Variants in EOGT observed in about 807,000 individuals in gnomAD.
EOGT encodes the protein EGF domain-specific O-linked N-acetylglucosamine transferase.
In EOGT, 55 loss-of-function variants were observed where a neutral mutation model predicts 70.5. The observed-to-expected ratio is 0.78, with a 90% CI of 0.63 to 0.98. The LOEUF is 0.98. Among genes scored for constraint, EOGT ranks in the 50% least tolerant of loss-of-function variants. EOGT has a pLI of 0.00. For missense variants in EOGT, 703 were observed against 641.9 expected (o/e 1.10, Z -1.03); for synonymous variants, 246 against 217.1 (o/e 1.13, Z -1.17).
chr3:68,987,502 A>G lies in EOGT; in HGVS notation c.1095T>C (p.Ile365=). 6.2e-7 allele frequency: 1 copy of G among 1,613,566 alleles called. No individual in the cohort carries two copies. The highest frequency in any genetic ancestry group is 1.1e-5 in the South Asian group (1 of 91,046). Residue 365 remains isoleucine (I), a synonymous_variant, in exon 14 of 18, where the codon ATT becomes ATC. Coordinates refer to ENST00000383701, the MANE Select transcript of EOGT (RefSeq NM_001278689.2). The part of the protein sequence containing the change: ...ITQEGPKDGK[I]RVTILARSTE... ...TGCTCCGTGCAAGAATGGTGACTCGAATTTTTCCATCCTGTAATCAAAATG... is the reference window on the plus strand; with the variant it reads ...TGCTCCGTGCAAGAATGGTGACTCGGATTTTTCCATCCTGTAATCAAAATG...
At chr3:68,979,819 G>T in intron 15 of EOGT, 32 bp from the exon 16 acceptor site, 1 of 1,606,580 alleles carries the variant, frequency 6.2e-7, no homozygotes, top group Admixed American at 1.7e-5. Context: ...TGAGAGAGAT[G>T]GGGAGAAGAG....
rs777182719 is a variant in EOGT, at chr3:68,982,765, T to A, written c.1214+46A>T. ...ATGCTTTCTAGCCCCCTTGACCTCA[T>A]CCAAGCAAAAGTTGACAGTGTCTGC... On this transcript the variant is annotated intron_variant, in intron 15 of 17. Coordinates refer to ENST00000383701, the MANE Select transcript of EOGT (RefSeq NM_001278689.2). 42 of 1,492,430 alleles carry A rather than the reference T, an allele frequency of 2.8e-5. 1 individual carries two copies. In the South Asian group the frequency reaches 4.6e-4, roughly 16 times the overall value. 92.4% of individuals were successfully genotyped at this position (1,492,430 alleles called of 1,614,324 possible).
At chr3:68,984,706 T>C (rs1425954754) in intron 14 of EOGT, among the ~76,000 whole-genome samples, 2 of 152,118 alleles carry the variant, frequency 1.3e-5, no homozygotes, top group Admixed American at 6.5e-5. Context: ...AATTTCGCCT[T>C]TGGGTGCCAT....
intron 14 of EOGT, among the ~76,000 whole-genome samples, chr3:68,983,338 T>C (rs541412742): frequency 6.6e-6 from 1 of 152,376 alleles, no homozygotes; most frequent in Non-Finnish European, 1.5e-5. Context: ...ACTAGCGCTT[T>C]GAACCTCATC....
chr3:69,009,304 GTT>G (rs1559617051), intron 4 of EOGT, among the ~76,000 whole-genome samples: 1 of 152,214 alleles, frequency 6.6e-6, no homozygotes, highest in Non-Finnish European at 1.5e-5. Flanking sequence ...CTCATGTGCC[GTT>G]TAAGAAAGAA....
At chr3:68,983,992 T>C (rs533020005) in intron 14 of EOGT, among the ~76,000 whole-genome samples, 18 of 152,178 alleles carry the variant, frequency 1.2e-4, no homozygotes, top group African/African-American at 4.3e-4. Context: ...CCAAATATCA[T>C]ACCAAGTAAG....
rs1298286230 is a variant in EOGT, at chr3:68,976,166, C to T, written c.*1452G>A. 6.6e-6 allele frequency: 1 copy of T among 152,176 alleles called. No individual in the cohort carries two copies. The highest frequency in any genetic ancestry group is 2.4e-5 in the African/African-American group (1 of 41,462). 9.4% of individuals were successfully genotyped at this position (152,176 alleles called of 1,614,324 possible). On this transcript the variant is annotated 3_prime_UTR_variant, in exon 18 of 18. Transcript: ENST00000383701. ...ACACTGTTTTAGAGCTTCTTTTTCACTTTCATTGAATAAGTCACATGTCTT... is the reference window on the plus strand; with the variant it reads ...ACACTGTTTTAGAGCTTCTTTTTCATTTTCATTGAATAAGTCACATGTCTT...
intron 4 of EOGT, among the ~76,000 whole-genome samples, chr3:69,008,793 G>C (rs2091499806): frequency 6.6e-6 from 1 of 152,178 alleles, no homozygotes; most frequent in South Asian, 2.1e-4. Flanking sequence ...AAGACCACTT[G>C]AATTTGAATT....
chr3:68,997,051 G>A (rs996589161), intron 10 of EOGT, among the ~76,000 whole-genome samples: 5 of 152,102 alleles, frequency 3.3e-5, no homozygotes, highest in African/African-American at 1.2e-4. Context: ...AAGATTCTGG[G>A]GCACATCTTG....
At chr3:68,997,876 C>T (rs532033872) in intron 10 of EOGT, 135 bp downstream of exon 10, 19 of 596,058 alleles carry the variant, frequency 3.2e-5, no homozygotes, top group South Asian at 1.6e-4. Flanking sequence ...CAGATACATT[C>T]GCACCCATCC....
chr3:68,995,755 A>T (rs1559601963), intron 10 of EOGT, among the ~76,000 whole-genome samples: 1 of 152,216 alleles, frequency 6.6e-6, no homozygotes. Context: ...AGTCCTCTTC[A>T]GAGGACTTTA....
intron 11 of EOGT, 61 bp downstream of exon 11, chr3:68,988,864 T>G (rs193239443): frequency 9.6e-5 from 84 of 872,056 alleles, no homozygotes; most frequent in African/African-American, 5.1e-4. Context: ...ATGTTTATTT[T>G]ATGAGTGAGT....
intron 6 of EOGT, 105 bp downstream of exon 6, chr3:69,007,608 C>T (rs1200769636): frequency 1.6e-5 from 9 of 559,804 alleles, no homozygotes; most frequent in East Asian, 8.2e-5. Context: ...GCTGGGATCG[C>T]GCCACTGCAC....
chr3:68,982,745 T>C, intron 15 of EOGT, 66 bp downstream of exon 15: 1 of 1,225,466 alleles, frequency 8.2e-7, no homozygotes, highest in Non-Finnish European at 1.1e-6. Context: ...GAAAAATGCT[T>C]TCTAGCCCCC....
intron 10 of EOGT, 52 bp downstream of exon 10, chr3:68,997,959 C>A: frequency 9.4e-7 from 1 of 1,063,522 alleles, no homozygotes; most frequent in East Asian, 2.5e-5. Flanking sequence ...CAGAGTCACA[C>A]ACTGATACAA....
At chr3:69,006,743 C>G (rs1221868818) in intron 6 of EOGT, among the ~76,000 whole-genome samples, 1 of 152,120 alleles carries the variant, frequency 6.6e-6, no homozygotes, top group Non-Finnish European at 1.5e-5. Context: ...TATTTACTAC[C>G]CCAAACCACC....
rs1312622774 is a variant in EOGT at position 69,001,716 on chromosome 3, T to A, written c.621-2A>T. The A allele has an allele frequency of 3.1e-6, 5 of 1,590,800 alleles. No homozygotes were observed. Among genetic ancestry groups the A allele is most frequent in the Non-Finnish European group, 3.4e-6 (4 of 1,161,212 alleles). On this transcript the variant is annotated splice_acceptor_variant, in intron 8 of 17. Transcript: ENST00000383701. LOFTEE classifies it high-confidence loss of function. ...GTATAGCTTTGTAGCTCAGCAAACC[T>A]GAAATTATGAATTGGGACATGACTT... is the stretch of plus-strand genomic sequence containing the variant.
intron 10 of EOGT, among the ~76,000 whole-genome samples, chr3:68,996,415 G>A (rs1167723456): frequency 1.3e-5 from 2 of 152,218 alleles, no homozygotes; most frequent in East Asian, 3.8e-4. Flanking sequence ...GACAGCTTGT[G>A]TCAACAAGCC....
chr3:69,008,757 A>G (rs1412752688), intron 4 of EOGT, among the ~76,000 whole-genome samples: 1 of 152,210 alleles, frequency 6.6e-6, no homozygotes, highest in Admixed American at 6.5e-5. Flanking sequence ...CCCTAACCGA[A>G]AGTCTGGGCT....
Sources: allele counts gnomAD v4.1 joint callset (sites outside exome capture counted in the v4.1 genomes callset), GRCh38; gene constraint gnomAD v4.1.1; transcripts MANE v1.5; gene names NCBI Gene and HGNC (gene_info 2026-07-23, HGNC 2026-07-21).